The following AFF3 variants were observed in gnomAD, a reference collection of about 807,000 sequenced individuals.
AFF3 encodes ALF transcription elongation factor 3.
In AFF3, 32 loss-of-function variants were observed where a neutral mutation model predicts 129.7. The observed-to-expected ratio is 0.25, with a 90% CI of 0.19 to 0.33. The LOEUF (loss-of-function observed/expected upper bound fraction) is 0.33, where lower values mean the gene tolerates loss of function less well. Ranked by LOEUF, AFF3 falls within the 10% of genes least tolerant of loss-of-function variation. The pLI is 1.00. For missense variants in AFF3, 1,373 were observed against 1,592.0 expected (o/e 0.86, Z 2.34); for synonymous variants, 644 against 635.4 (o/e 1.01, Z -0.20).
At chr2:100,050,795 G>A (rs1490705351) in intron 4 of AFF3, among the ~76,000 whole-genome samples, 1 of 152,184 alleles carries the variant, frequency 6.6e-6, no homozygotes, top group East Asian at 1.9e-4. Context: ...TGCCCCTGCA[G>A]ATGCAGATGG....
intron 4 of AFF3, among the ~76,000 whole-genome samples, chr2:100,075,068 T>C (rs2105323011): frequency 6.6e-6 from 1 of 152,258 alleles, no homozygotes; most frequent in East Asian, 1.9e-4. Flanking sequence ...AGACAGGAGC[T>C]CTCTGCTCCA....
At chr2:99,810,599 T>C (rs770381864) in intron 8 of AFF3, among the ~76,000 whole-genome samples, 13 of 152,214 alleles carry the variant, frequency 8.5e-5, no homozygotes, top group Non-Finnish European at 1.9e-4. Flanking sequence ...TTTAAAGTAG[T>C]ATCTGAAATA....
chr2:100,021,179 C>T (rs1345228503), intron 4 of AFF3, among the ~76,000 whole-genome samples: 1 of 152,180 alleles, frequency 6.6e-6, no homozygotes, highest in Non-Finnish European at 1.5e-5. Flanking sequence ...CTCCACTCTC[C>T]CCGATAATGG....
chr2:99,849,771 T>G (rs1214129365), intron 7 of AFF3, among the ~76,000 whole-genome samples: 1 of 152,222 alleles, frequency 6.6e-6, no homozygotes, highest in Non-Finnish European at 1.5e-5. Flanking sequence ...GGTTTTTAAA[T>G]ATAATGTGTT....
At chr2:99,959,428 A>C (rs576660598) in intron 7 of AFF3, among the ~76,000 whole-genome samples, 1 of 151,556 alleles carries the variant, frequency 6.6e-6, no homozygotes, top group Non-Finnish European at 1.5e-5. Context: ...AATATCAAAA[A>C]TAGTCTAGTT....
chr2:99,959,550 C>T (rs1398778977), intron 7 of AFF3, among the ~76,000 whole-genome samples: 1 of 151,432 alleles, frequency 6.6e-6, no homozygotes, highest in African/African-American at 2.4e-5. Context: ...ATGTTCTCAT[C>T]ACAGTTAGGA....
chr2:100,069,576 T>C (rs1228487395), intron 4 of AFF3, among the ~76,000 whole-genome samples: 1 of 152,164 alleles, frequency 6.6e-6, no homozygotes, highest in African/African-American at 2.4e-5. Context: ...TTAAGAGCAT[T>C]CACTGATTAA....
intron 4 of AFF3, among the ~76,000 whole-genome samples, chr2:100,035,609 C>G (rs1182469771): frequency 2.0e-5 from 3 of 152,200 alleles, no homozygotes; most frequent in Non-Finnish European, 2.9e-5. Context: ...TTATTTCCAG[C>G]TCTGCCTTTT....
intron 10 of AFF3, 151 bp from the exon 11 acceptor site, chr2:99,727,279 G>A (rs1374043634): frequency 1.4e-5 from 11 of 813,966 alleles, no homozygotes; most frequent in South Asian, 3.7e-5. Flanking sequence ...TCTGAGAACC[G>A]GATTTGCAAA....
chr2:99,974,205 AT>A (rs1045414023), intron 7 of AFF3, among the ~76,000 whole-genome samples: 2 of 152,028 alleles, frequency 1.3e-5, no homozygotes, highest in African/African-American at 2.4e-5. Flanking sequence ...AAATGTGATA[AT>A]TTTTTTTAAT....
chr2:100,117,558 T>C (rs1691781288), intron 2 of AFF3, among the ~76,000 whole-genome samples: 1 of 152,248 alleles, frequency 6.6e-6, no homozygotes, highest in Admixed American at 6.5e-5. Context: ...TAAGCATAGT[T>C]ATCTTAAAGT....
chr2:100,065,647 T>C (rs780770057), intron 4 of AFF3, among the ~76,000 whole-genome samples: 1 of 152,196 alleles, frequency 6.6e-6, no homozygotes, highest in Non-Finnish European at 1.5e-5. Flanking sequence ...TTAAAATAAT[T>C]TTGGGACAGA....
Position 99,546,246 on chromosome 2 carries a change from G to T in AFF3, c.*5228C>A. On this transcript the variant is annotated 3_prime_UTR_variant, in exon 25 of 25. Coordinates refer to ENST00000672756, the MANE Select transcript of AFF3 (RefSeq NM_001386135.1). ...GCTACAGAAGAGAACGTTCTTGAAA[G>T]ACTGCTGGGTGTTTCTTAGCACAAA... The T allele has an allele frequency of 4.3e-6, 1 of 232,522 alleles. No homozygotes were observed. Among genetic ancestry groups the T allele is most frequent in the Non-Finnish European group, 8.5e-6 (1 of 117,560 alleles). The allele number at this position is 232,522 out of a possible 1,614,324, so 14.4% of individuals were successfully genotyped here.
chr2:99,569,376 T>G (rs1372946892), intron 18 of AFF3, among the ~76,000 whole-genome samples: 3 of 152,236 alleles, frequency 2.0e-5, no homozygotes, highest in Non-Finnish European at 2.9e-5. Context: ...ATCTAGTACC[T>G]AGAGTTTTAT....
chr2:99,609,286 G>A (rs34112064), intron 13 of AFF3, among the ~76,000 whole-genome samples: 82,155 of 151,282 alleles, frequency 0.54, 22,476 homozygotes, highest in African/African-American at 0.62. Flanking sequence ...GGTTACATGA[G>A]TAAGCTCTTT....
rs189760791 is a variant in AFF3, at chr2:99,916,064, C to G, written c.874-78540G>C. ...AATCTGAACTAGATGGATCTTTTCT[C>G]AAGTTCACCTTAAGGTGTTACTGTA... On this transcript the variant is annotated intron_variant, in intron 7 of 24. Transcript: ENST00000672756. Among the ~76,000 whole-genome samples, 6 of 152,292 alleles carry G rather than the reference C, an allele frequency of 3.9e-5. No homozygotes were observed. In the East Asian group the frequency reaches 1.2e-3, roughly 29 times the overall value.
intron 11 of AFF3, chr2:99,707,543 G>A (rs1454622068): frequency 1.0e-6 from 1 of 981,570 alleles, no homozygotes; most frequent in Non-Finnish European, 1.2e-6. Context: ...CTTTGATATT[G>A]AATTACCAAA....
At chr2:99,619,042 C>T (rs777343426) in intron 13 of AFF3, among the ~76,000 whole-genome samples, 5 of 152,120 alleles carry the variant, frequency 3.3e-5, no homozygotes, top group African/African-American at 4.8e-5. Flanking sequence ...TTACCATGCC[C>T]GGCCCAGACA....
intron 14 of AFF3, among the ~76,000 whole-genome samples, chr2:99,597,594 T>C (rs969507874): frequency 5.3e-5 from 8 of 152,248 alleles, no homozygotes; most frequent in East Asian, 1.9e-4. Flanking sequence ...ATCATCATTT[T>C]CCCCCCGACA....
Sources: gnomAD v4.1 joint callset for allele counts (sites outside exome capture counted in the v4.1 genomes callset) on GRCh38, gnomAD v4.1.1 for gene constraint, MANE v1.5 for transcripts, NCBI Gene and HGNC (gene_info 2026-07-23, HGNC 2026-07-21) for gene names.